The following TFAP4 variants were observed in gnomAD, a reference collection of about 807,000 sequenced individuals.
TFAP4 encodes transcription factor AP-4, also known as activating enhancer-binding protein 4.
TFAP4 carries 7 observed loss-of-function variants against 40.4 expected under a neutral mutation model. The observed-to-expected ratio is 0.17, with a 90% CI of 0.10 to 0.33. The LOEUF is 0.33. Among genes scored for constraint, TFAP4 ranks in the 10% least tolerant of loss-of-function variants. The pLI is 1.00. For missense variants in TFAP4, 374 were observed against 451.1 expected, an observed-to-expected ratio of 0.83 and a Z score of 1.55; for synonymous variants, 218 against 181.4, an observed-to-expected ratio of 1.20 and a Z score of -1.62.
chr16:4,266,730 T>A (rs971315476), intron 1 of TFAP4: 3 of 152,222 alleles, frequency 2.0e-5, no homozygotes, highest in Admixed American at 1.3e-4. Flanking sequence ...CTGATAGCTC[T>A]TTCTGGGGTT....
At position 4,260,218 on chromosome 16, in the gene TFAP4, G is replaced by T; in HGVS notation, c.694C>A (p.His232Asn). 1 of 1,554,912 alleles carries T rather than the reference G, an allele frequency of 6.4e-7. No individual in the cohort carries two copies. ...GGTGCTGGCACGATCACCGTGGGGT[G>T]GTGGGTGGGGGCCGGAGGGGGCAGA... ...QLLPPPAPTH[H>N]PTVIVPAPPP... The change falls in exon 6 of 7, where the codon CAC becomes AAC. Residue 232 changes from histidine (H) to asparagine (N), a missense_variant. By Grantham distance (68) the His-to-Asn change is moderately conservative (BLOSUM62 1). Transcript: ENST00000204517.
chr16:4,263,774 G>A, intron 1 of TFAP4: 1 of 154,078 alleles, frequency 6.5e-6, no homozygotes, highest in Non-Finnish European at 1.4e-5. Context: ...AGAGGGCGTG[G>A]CTGCTGGCTG....
Position 4,258,099 on chromosome 16 carries a change from C to T in TFAP4, c.973G>A (p.Asp325Asn), listed in dbSNP as rs1481166018. Residue 325 changes from aspartate (D) to asparagine (N), a missense_variant, in exon 7 of 7, where the codon GAC becomes AAC. Asp to Asn is a conservative substitution (Grantham distance 23, BLOSUM62 1). Transcript: ENST00000204517. ...DSEASDSDAM[D>N]QSREEPSGDG... is the part of the protein sequence containing the mutation. ...CCCGACGGCTCCTCCCGGCTCTGGT[C>T]CATGGCGTCACTGTCTGAGGCCTCG... 1.9e-6 allele frequency: 3 copies of T among 1,613,538 alleles called. No homozygotes were observed. The highest frequency in any genetic ancestry group is 2.5e-6 in the Non-Finnish European group (3 of 1,179,908).
rs183399068 is a variant in TFAP4 at position 4,272,946 on chromosome 16, G to A, written c.-200C>T. ...AGGTCTCTCCGGCCTGCCTCCCCGG[G>A]CGTGTGTATGTGTGTGTGTGTGTGT... On this transcript the variant is annotated 5_prime_UTR_variant, in exon 1 of 7. Coordinates refer to ENST00000204517, the MANE Select transcript of TFAP4 (RefSeq NM_003223.3). 3.5e-3 allele frequency: 1,769 copies of A among 510,884 alleles called. 40 individuals carry two copies. The African/African-American group carries it at 0.037, about 11-fold the overall frequency. The allele number at this position is 510,884 out of a possible 1,614,324, so 31.6% of individuals were successfully genotyped here.
At chr16:4,262,182 G>A (rs145661547) in intron 3 of TFAP4, 142 bp downstream of exon 3, 3 of 1,053,588 alleles carry the variant, frequency 2.8e-6, no homozygotes, top group Non-Finnish European at 4.3e-6. Context: ...GGGAAACTGA[G>A]GCCGGGGCAG....
intron 1 of TFAP4, chr16:4,267,021 C>T (rs1354961450): frequency 6.6e-6 from 1 of 152,628 alleles, no homozygotes; most frequent in African/African-American, 2.4e-5. Context: ...TCCACCAAGC[C>T]TGGCTAATTA....
rs2052909627 is a variant in TFAP4 at position 4,257,897 on chromosome 16, T to C, written c.*158A>G. The C allele has an allele frequency of 1.3e-6, 1 of 763,476 alleles. No homozygotes were observed. The highest frequency in any genetic ancestry group is 2.9e-5 in the East Asian group (1 of 34,994). 47.3% of individuals were successfully genotyped at this position (763,476 alleles called of 1,614,324 possible). On this transcript the variant is annotated 3_prime_UTR_variant, in exon 7 of 7. Coordinates refer to ENST00000204517, the MANE Select transcript of TFAP4 (RefSeq NM_003223.3). ...GGGACCTCGGGTTGAGTGGCTTCGT[T>C]CAAAGGTCGATTTACAGTATTGAAA...
chr16:4,272,504 G>T (rs940028765), intron 1 of TFAP4, among the ~76,000 whole-genome samples, 154 bp downstream of exon 1: 1 of 151,740 alleles, frequency 6.6e-6, no homozygotes, highest in Admixed American at 6.5e-5. Flanking sequence ...GGGCGGCGCG[G>T]ACCCGGCGTG....
rs147961036 is a variant in TFAP4 at position 4,260,516 on chromosome 16, T to G, written c.605A>C (p.Glu202Ala). The change falls in exon 5 of 7, where the codon GAA becomes GCA. Residue 202 changes from glutamate (E) to alanine (A), a missense_variant. Coordinates refer to ENST00000204517, the MANE Select transcript of TFAP4 (RefSeq NM_003223.3). ...AQQVQLQQQQ[E>A]QVRLLHQEKL... ...CTCCTGGTGCAGCAGCCTCACCTGT[T>G]CCTGCTGCTGCTGCAGCTGCACCTG... 380 of 1,610,832 alleles carry G rather than the reference T, an allele frequency of 2.4e-4. 1 individual carries two copies. The highest frequency in any genetic ancestry group is 3.0e-4 in the Non-Finnish European group (358 of 1,178,788).
At chr16:4,271,694 G>C (rs148371505) in intron 1 of TFAP4, among the ~76,000 whole-genome samples, 2,657 of 152,290 alleles carry the variant, frequency 0.017, 71 homozygotes, top group African/African-American at 0.055. Flanking sequence ...TTTACGGCAG[G>C]GGGGAGGGGC....
rs1054160764 is a variant in TFAP4 at position 4,266,763 on chromosome 16, TA to T, written c.90-4063del. 6 of 152,220 alleles carry T rather than the reference TA, an allele frequency of 3.9e-5. 1 individual carries two copies. The highest frequency in any genetic ancestry group is 3.9e-4 in the Admixed American group (6 of 15,266). 9.4% of individuals were successfully genotyped at this position (152,220 alleles called of 1,614,324 possible). A position where few individuals can be genotyped will look rare whatever the true frequency, so the allele number is the denominator to read the frequency against. ...GTTTTGCATTTACGGTTAAGGTCTG[TA>T]AACGTCCTACACACACAGTAAAGGT... On this transcript the variant is annotated intron_variant, in intron 1 of 6. Coordinates refer to ENST00000204517, the MANE Select transcript of TFAP4 (RefSeq NM_003223.3).
rs561705268 is a variant in TFAP4, at chr16:4,260,324, A to G, written c.667-79T>C. ...CCTCCCTTTCATGCAGAGCTGGCCA[A>G]TGTATAACTGCCTCTGCCCCTTTAT... On this transcript the variant is annotated intron_variant, in intron 5 of 6. Coordinates refer to ENST00000204517, the MANE Select transcript of TFAP4 (RefSeq NM_003223.3). 9.9e-6 allele frequency: 15 copies of G among 1,508,336 alleles called. 1 individual carries two copies. The Admixed American group carries it at 1.3e-4, about 14-fold the overall frequency. The allele number at this position is 1,508,336 out of a possible 1,614,324, so 93.4% of individuals were successfully genotyped here. A position where few individuals can be genotyped will look rare whatever the true frequency, so the allele number is the denominator to read the frequency against.
chr16:4,259,279 G>A (rs1183563910), intron 6 of TFAP4, among the ~76,000 whole-genome samples: 3 of 151,502 alleles, frequency 2.0e-5, no homozygotes, highest in East Asian at 2.0e-4. Flanking sequence ...GATTACAGGC[G>A]TGCACCACCA....
At chr16:4,269,612 C>A (rs1019538729) in intron 1 of TFAP4, among the ~76,000 whole-genome samples, 13 of 151,392 alleles carry the variant, frequency 8.6e-5, no homozygotes, top group Admixed American at 8.6e-4. Flanking sequence ...GAGATCGAGA[C>A]CATCCTGGCC....
Position 4,257,437 on chromosome 16 carries a change from G to A in TFAP4, c.*618C>T, listed in dbSNP as rs2141085992. On this transcript the variant is annotated 3_prime_UTR_variant, in exon 7 of 7. Coordinates refer to ENST00000204517, the MANE Select transcript of TFAP4 (RefSeq NM_003223.3). ...AGAGACAGACATTTTTGGGGTGGAA[G>A]ATGAGACCTGGAGGCAGAGGTGGGG... 1 of 139,990 alleles carries A rather than the reference G, an allele frequency of 7.1e-6. No homozygotes were observed. The highest frequency in any genetic ancestry group is 2.6e-5 in the African/African-American group (1 of 38,418). 8.7% of individuals were successfully genotyped at this position (139,990 alleles called of 1,614,324 possible). A position where few individuals can be genotyped will look rare whatever the true frequency, so the allele number is the denominator to read the frequency against.
intron 1 of TFAP4, among the ~76,000 whole-genome samples, chr16:4,271,085 T>TGGGCCTCGTGCAAGGGCC (rs2053036427): frequency 6.6e-6 from 1 of 152,244 alleles, no homozygotes; most frequent in South Asian, 2.1e-4. Context: ...GCCCTCCAGG[T>TGGGCCTCGTGCAAGGGCC]GGGCCTCGTG....
chr16:4,261,981 T>A (rs1433974095), intron 3 of TFAP4, 32 bp from the exon 4 acceptor site: 2 of 1,571,330 alleles, frequency 1.3e-6, no homozygotes, highest in African/African-American at 2.7e-5. Context: ...TCAGTGTGCC[T>A]GACACCTCGG....
chr16:4,272,044 GGGCCGCGGCGCCCCTACC>G (rs1408907371), intron 1 of TFAP4, among the ~76,000 whole-genome samples: 1 of 151,386 alleles, frequency 6.6e-6, no homozygotes, highest in Non-Finnish European at 1.5e-5. Context: ...AACGTGCCCC[GGGCCGCGGCGCCCCTACC>G]GGCCGCGCGG....
chr16:4,261,780 T>C lies in TFAP4; in HGVS notation c.524A>G (p.Gln175Arg), dbSNP rs747814941. ...GCCCAGCAGAGGGCGCTGCCTCACC[T>C]GCTCCTCCAGCATCATGCGCACCGA... ...ERSVRMMLEE[Q>R]VRSLEAHMYP... is the part of the protein sequence containing the mutation. Residue 175 changes from glutamine to arginine, a missense_variant and splice_region_variant, in exon 4 of 7, where the codon CAG becomes CGG. Around this residue, in one of 6 missense-constraint regions of TFAP4, gnomAD observed 161 missense variants for 154.2 expected, o/e 1.04. Coordinates refer to ENST00000204517, the MANE Select transcript of TFAP4 (RefSeq NM_003223.3). 3.1e-6 allele frequency: 5 copies of C among 1,603,428 alleles called. No individual in the cohort carries two copies. Among genetic ancestry groups the C allele is most frequent in the Non-Finnish European group, 4.3e-6 (5 of 1,175,870 alleles).
Sources: gnomAD v4.1 joint callset for allele counts (sites outside exome capture counted in the v4.1 genomes callset) on GRCh38, gnomAD v4.1.1 for gene constraint, gnomAD v4.1.1 regional missense constraint, MANE v1.5 for transcripts, NCBI Gene and HGNC (gene_info 2026-07-23, HGNC 2026-07-21) for gene names.